The following FAM210A variants were observed in gnomAD, a reference collection of about 807,000 sequenced individuals.
FAM210A encodes mitochondrial inner membrane scaffold 1.
Under a neutral mutation model 25.3 loss-of-function variants are expected in FAM210A, and 13 were observed. The observed-to-expected ratio is 0.51, with a 90% CI of 0.33 to 0.82. FAM210A has a LOEUF of 0.82. FAM210A is among the 40% of genes least tolerant of loss of function. The pLI is 0.02. For synonymous variants in FAM210A, 125 were observed against 118.7 expected, an observed-to-expected ratio of 1.05 and a Z score of -0.35; for missense variants, 319 against 323.2, an observed-to-expected ratio of 0.99 and a Z score of 0.10.
chr18:13,720,876 T>C (rs141838142), intron 1 of FAM210A, among the ~76,000 whole-genome samples: 6 of 152,168 alleles, frequency 3.9e-5, no homozygotes, highest in Admixed American at 3.9e-4. Flanking sequence ...CTCCTGATGG[T>C]TTGCTGGAAA....
chr18:13,723,898 C>T (rs969183633), intron 1 of FAM210A, among the ~76,000 whole-genome samples: 1 of 152,182 alleles, frequency 6.6e-6, no homozygotes, highest in Non-Finnish European at 1.5e-5. Flanking sequence ...AGGAAAAGTC[C>T]TTCATCCAAA....
At chr18:13,689,053 G>C (rs528288708) in intron 1 of FAM210A, among the ~76,000 whole-genome samples, 1 of 152,350 alleles carries the variant, frequency 6.6e-6, no homozygotes, top group Non-Finnish European at 1.5e-5. Flanking sequence ...TCCTGTGAAG[G>C]GGTCAAGAAA....
chr18:13,678,226 G>A (rs1264966804), intron 2 of FAM210A, among the ~76,000 whole-genome samples: 2 of 152,014 alleles, frequency 1.3e-5, no homozygotes, highest in East Asian at 1.9e-4. Flanking sequence ...AGCACAAGCT[G>A]TATTGTCACT....
intron 2 of FAM210A, among the ~76,000 whole-genome samples, chr18:13,673,747 C>T (rs9748738): frequency 0.89 from 126,286 of 142,280 alleles, 55,977 homozygotes; most frequent in East Asian, 0.93. Flanking sequence ...ATTTCCAGTT[C>T]CCTGATTATT....
At chr18:13,682,725 C>G (rs901768699) in intron 1 of FAM210A, among the ~76,000 whole-genome samples, 1 of 152,036 alleles carries the variant, frequency 6.6e-6, no homozygotes, top group Non-Finnish European at 1.5e-5. Flanking sequence ...AAAAATTAGC[C>G]GGGAATGGTG....
intron 1 of FAM210A, 80 bp downstream of exon 1, chr18:13,726,249 A>C (rs538522302): frequency 6.6e-6 from 1 of 152,464 alleles, no homozygotes; most frequent in African/African-American, 2.4e-5. Context: ...GCCGCGAGTC[A>C]GCTCCCGGAC....
intron 1 of FAM210A, among the ~76,000 whole-genome samples, chr18:13,693,174 T>C (rs977556354): frequency 5.9e-5 from 9 of 152,126 alleles, no homozygotes; most frequent in African/African-American, 2.2e-4. Context: ...CCTCGACACA[T>C]ACACCCTCCC....
At chr18:13,695,176 G>A (rs546070593) in intron 1 of FAM210A, among the ~76,000 whole-genome samples, 24 of 152,244 alleles carry the variant, frequency 1.6e-4, no homozygotes, top group Non-Finnish European at 2.5e-4. Context: ...ACCATCTCAC[G>A]CCAGTTAGAA....
chr18:13,693,458 C>G (rs1028542889), intron 1 of FAM210A, among the ~76,000 whole-genome samples: 14 of 152,202 alleles, frequency 9.2e-5, no homozygotes, highest in African/African-American at 3.1e-4. Flanking sequence ...GAATTTTAGA[C>G]CAATATCCCT....
chr18:13,695,627 C>T (rs190892446), intron 1 of FAM210A, among the ~76,000 whole-genome samples: 4 of 151,292 alleles, frequency 2.6e-5, no homozygotes, highest in Non-Finnish European at 5.9e-5. Context: ...GAAAACCAAA[C>T]ATCACATGTT....
chr18:13,694,353 T>A (rs570371187), intron 1 of FAM210A, among the ~76,000 whole-genome samples: 1 of 152,160 alleles, frequency 6.6e-6, no homozygotes, highest in African/African-American at 2.4e-5. Flanking sequence ...CTTCACAGAA[T>A]TGGAAAAAAC....
chr18:13,701,015 TG>T (rs1457002103), intron 1 of FAM210A, among the ~76,000 whole-genome samples: 2 of 152,234 alleles, frequency 1.3e-5, no homozygotes, highest in South Asian at 4.1e-4. Context: ...GCTTTGAGCC[TG>T]GGGGCTGCCT....
intron 3 of FAM210A, among the ~76,000 whole-genome samples, chr18:13,671,604 A>G (rs189602700): frequency 9.3e-5 from 14 of 151,128 alleles, no homozygotes; most frequent in African/African-American, 1.7e-4. Flanking sequence ...TAGGAGAATC[A>G]CTTTAACCTG....
intron 2 of FAM210A, among the ~76,000 whole-genome samples, chr18:13,675,078 CATTA>C (rs1293613109): frequency 2.3e-3 from 2 of 876 alleles, no homozygotes; most frequent in Non-Finnish European, 3.8e-3. Context: ...GCCCCAACTT[CATTA>C]TTTCCAGTTT....
At position 13,666,733 on chromosome 18, in the gene FAM210A, G is replaced by C. The variant is rs1306557780; in HGVS notation, c.586-20C>G. ...TGCAATCTTAAGCAAAAAGCAAACA[G>C]AGGCAAATCAAAACCTGGTTATTAC... On this transcript the variant is annotated intron_variant, in intron 3 of 3. Coordinates refer to ENST00000651643, the MANE Select transcript of FAM210A (RefSeq NM_152352.4). 1 of 1,596,754 alleles carries C rather than the reference G, an allele frequency of 6.3e-7. No individual in the cohort carries two copies.
At chr18:13,670,589 C>T (rs2043433444) in intron 3 of FAM210A, among the ~76,000 whole-genome samples, 1 of 152,008 alleles carries the variant, frequency 6.6e-6, no homozygotes. Flanking sequence ...TTTCACAGAC[C>T]CTCATAAATA....
chr18:13,695,098 C>A (rs1414752398), intron 1 of FAM210A, among the ~76,000 whole-genome samples: 1 of 152,182 alleles, frequency 6.6e-6, no homozygotes. Flanking sequence ...ATGCAGCCAA[C>A]AGACACATGA....
At chr18:13,684,224 A>G (rs1230685635) in intron 1 of FAM210A, among the ~76,000 whole-genome samples, 1 of 152,022 alleles carries the variant, frequency 6.6e-6, no homozygotes, top group Non-Finnish European at 1.5e-5. Context: ...GTGAAACCCC[A>G]TCTCTCCTAA....
chr18:13,688,977 C>A (rs1391149337), intron 1 of FAM210A, among the ~76,000 whole-genome samples: 2 of 152,226 alleles, frequency 1.3e-5, no homozygotes, highest in Non-Finnish European at 2.9e-5. Flanking sequence ...CTCATTTGCT[C>A]ACATGCTCCC....
Sources: allele counts gnomAD v4.1 joint callset (sites outside exome capture counted in the v4.1 genomes callset), GRCh38; gene constraint gnomAD v4.1.1; transcripts MANE v1.5; gene names NCBI Gene and HGNC (gene_info 2026-07-23, HGNC 2026-07-21).